The following CHRNA7 variants were observed in gnomAD, a reference collection of about 807,000 sequenced individuals.
CHRNA7 encodes cholinergic receptor nicotinic alpha 7 subunit.
In CHRNA7, 17 loss-of-function variants were observed where a neutral mutation model predicts 48.0. The observed-to-expected ratio is 0.35, with a 90% CI of 0.24 to 0.53. The LOEUF (loss-of-function observed/expected upper bound fraction) is 0.53. Ranked by LOEUF, CHRNA7 falls within the 20% of genes least tolerant of loss-of-function variation. The probability of loss-of-function intolerance (pLI) is 0.92; values close to 1 mark genes in which losing one functional copy is unlikely to be tolerated. For missense variants in CHRNA7, 155 were observed against 577.7 expected, an observed-to-expected ratio of 0.27 and a Z score of 7.50; for synonymous variants, 75 against 242.3, an observed-to-expected ratio of 0.31 and a Z score of 6.41.
intron 2 of CHRNA7, among the ~76,000 whole-genome samples, chr15:32,066,197 G>T (rs189119151): frequency 6.6e-6 from 1 of 152,194 alleles, no homozygotes; most frequent in African/African-American, 2.4e-5. Context: ...TACAGAATTA[G>T]TTGAGAAAAG....
At chr15:32,150,051 T>C (rs2051590572) in intron 4 of CHRNA7, among the ~76,000 whole-genome samples, 1 of 152,114 alleles carries the variant, frequency 6.6e-6, no homozygotes, top group East Asian at 1.9e-4. Flanking sequence ...AATATTTATG[T>C]TTTTATTTTA....
At chr15:32,118,517 C>A (rs1347165249) in intron 4 of CHRNA7, among the ~76,000 whole-genome samples, 1 of 152,126 alleles carries the variant, frequency 6.6e-6, no homozygotes, top group East Asian at 1.9e-4. Flanking sequence ...GGGGGAGCAG[C>A]AGCTTGTTTT....
At chr15:32,138,842 G>A (rs760015506) in intron 4 of CHRNA7, among the ~76,000 whole-genome samples, 1 of 151,872 alleles carries the variant, frequency 6.6e-6, no homozygotes, top group Non-Finnish European at 1.5e-5. Context: ...CAACCTCCAC[G>A]TCCCGGGTTC....
At chr15:32,060,712 CAAA>C (rs986117801) in intron 2 of CHRNA7, among the ~76,000 whole-genome samples, 3 of 152,204 alleles carry the variant, frequency 2.0e-5, no homozygotes, top group African/African-American at 7.2e-5. Context: ...AATTCTCAGA[CAAA>C]AATAAGTAAA....
intron 2 of CHRNA7, among the ~76,000 whole-genome samples, chr15:32,069,712 C>T (rs1294266266): frequency 6.6e-6 from 1 of 152,124 alleles, no homozygotes; most frequent in East Asian, 1.9e-4. Context: ...ATAATTTTAT[C>T]ATACATTAAT....
At chr15:32,140,878 T>A (rs1345831595) in intron 4 of CHRNA7, among the ~76,000 whole-genome samples, 1 of 152,264 alleles carries the variant, frequency 6.6e-6, no homozygotes, top group East Asian at 1.9e-4. Context: ...GGTTGCCTGT[T>A]CACTCTGATG....
chr15:32,080,318 T>C (rs2050196714), intron 2 of CHRNA7, among the ~76,000 whole-genome samples: 1 of 152,108 alleles, frequency 6.6e-6, no homozygotes, highest in African/African-American at 2.4e-5. Flanking sequence ...ACTAAAGAGC[T>C]TCTGCACAGC....
intron 2 of CHRNA7, among the ~76,000 whole-genome samples, chr15:32,064,156 T>G (rs2049924273): frequency 6.6e-6 from 1 of 152,206 alleles, no homozygotes; most frequent in South Asian, 2.1e-4. Flanking sequence ...GTATCTGATT[T>G]TTGTTAGTAT....
rs189979309 is a variant in CHRNA7, at chr15:32,121,028, G to A, written c.350+9129G>A. ...CGTGTCCACTGCCCACTAGAGATGC[G>A]CTCTTCAGCTGTCTGCACAGGAGGA... is the stretch of plus-strand genomic sequence containing the variant. On this transcript the variant is annotated intron_variant, in intron 4 of 9. Transcript: ENST00000306901. 5.5e-3 allele frequency among the ~76,000 whole-genome samples: 833 copies of A among 152,278 alleles called. 3 individuals are homozygous for A. The highest frequency in any genetic ancestry group is 1.0e-2 in the Non-Finnish European group (677 of 68,024).
intron 3 of CHRNA7, among the ~76,000 whole-genome samples, chr15:32,110,182 G>A (rs2050740169): frequency 6.6e-6 from 1 of 152,194 alleles, no homozygotes; most frequent in Non-Finnish European, 1.5e-5. Context: ...ACAGGTGTTG[G>A]CTGTGGCAGG....
At chr15:32,075,108 G>A (rs1001519779) in intron 2 of CHRNA7, among the ~76,000 whole-genome samples, 3 of 152,032 alleles carry the variant, frequency 2.0e-5, no homozygotes, top group Non-Finnish European at 2.9e-5. Flanking sequence ...TGTATATATT[G>A]CTGAATTCAA....
At chr15:32,092,100 ATCT>A (rs959824633) in intron 2 of CHRNA7, among the ~76,000 whole-genome samples, 1 of 152,062 alleles carries the variant, frequency 6.6e-6, no homozygotes, top group African/African-American at 2.4e-5. Flanking sequence ...AATGGATGTA[ATCT>A]CTTGGTGTGT....
intron 2 of CHRNA7, among the ~76,000 whole-genome samples, chr15:32,063,461 G>T (rs1414863563): frequency 1.3e-5 from 2 of 152,188 alleles, no homozygotes; most frequent in Non-Finnish European, 2.9e-5. Flanking sequence ...AGTCTAGGAA[G>T]TCCTAAGCAC....
intron 4 of CHRNA7, among the ~76,000 whole-genome samples, chr15:32,114,986 C>T (rs182114123): frequency 7.5e-4 from 115 of 152,344 alleles, no homozygotes; most frequent in African/African-American, 2.7e-3. Context: ...CCCACCCCTT[C>T]TGGGCCTTTT....
intron 3 of CHRNA7, among the ~76,000 whole-genome samples, chr15:32,110,795 C>G (rs1019187286): frequency 1.2e-4 from 18 of 152,264 alleles, no homozygotes; most frequent in Admixed American, 7.2e-4. Context: ...TGCAAATAGG[C>G]ATGTTTTGCT....
chr15:32,128,999 A>T (rs1459509444), intron 4 of CHRNA7, among the ~76,000 whole-genome samples: 1 of 151,926 alleles, frequency 6.6e-6, no homozygotes, highest in Admixed American at 6.6e-5. Flanking sequence ...CTTTTTCTGC[A>T]TCAATTGATA....
chr15:32,120,136 G>A (rs1361933768), intron 4 of CHRNA7, among the ~76,000 whole-genome samples: 2 of 152,198 alleles, frequency 1.3e-5, no homozygotes, highest in African/African-American at 4.8e-5. Flanking sequence ...ACAAATCTCA[G>A]GGCGGGAAGC....
intron 2 of CHRNA7, among the ~76,000 whole-genome samples, chr15:32,037,118 G>C (rs1316519683): frequency 6.6e-6 from 1 of 152,072 alleles, no homozygotes; most frequent in Non-Finnish European, 1.5e-5. Context: ...AGGGTGTAAG[G>C]TCCGTGTCTA....
chr15:32,127,321 G>A (rs989284489), intron 4 of CHRNA7, among the ~76,000 whole-genome samples: 14 of 152,038 alleles, frequency 9.2e-5, no homozygotes, highest in African/African-American at 3.4e-4. Flanking sequence ...CATTCGTCTG[G>A]TATAAATTAC....
Sources: gnomAD v4.1 joint callset for allele counts (sites outside exome capture counted in the v4.1 genomes callset) on GRCh38, gnomAD v4.1.1 for gene constraint, MANE v1.5 for transcripts, NCBI Gene and HGNC (gene_info 2026-07-23, HGNC 2026-07-21) for gene names.